PAX3: variants seen among roughly 807,000 people sequenced by gnomAD.
PAX3 encodes the protein paired box protein Pax-3.
A neutral mutation model predicts 51.6 loss-of-function variants in PAX3; 14 were observed. The observed-to-expected ratio is 0.27, with a 90% CI of 0.18 to 0.42. The LOEUF (loss-of-function observed/expected upper bound fraction) is 0.42, where lower values mean the gene tolerates loss of function less well. Ranked by LOEUF, PAX3 falls within the 10% of genes least tolerant of loss-of-function variation. The probability of loss-of-function intolerance (pLI) is 1.00; values close to 1 mark genes in which losing one functional copy is unlikely to be tolerated. For synonymous variants in PAX3, 280 were observed against 253.4 expected, an observed-to-expected ratio of 1.11 and a Z score of -1.00; for missense variants, 540 against 642.8, an observed-to-expected ratio of 0.84 and a Z score of 1.73.
intron 5 of PAX3, among the ~76,000 whole-genome samples, chr2:222,225,054 G>A (rs939923690): frequency 6.6e-6 from 1 of 152,114 alleles, no homozygotes; most frequent in Non-Finnish European, 1.5e-5. Context: ...AGATTACCTG[G>A]CCTTCCGCAT....
At chr2:222,283,372 G>C (rs763328722) in intron 4 of PAX3, among the ~76,000 whole-genome samples, 1 of 152,186 alleles carries the variant, frequency 6.6e-6, no homozygotes, top group African/African-American at 2.4e-5. Context: ...GGTTGGCATA[G>C]AGTGTCTGGA....
chr2:222,239,111 C>G (rs1692908108), intron 4 of PAX3, among the ~76,000 whole-genome samples: 1 of 152,178 alleles, frequency 6.6e-6, no homozygotes, highest in African/African-American at 2.4e-5. Flanking sequence ...GACATTTTCC[C>G]TTTGTGATCT....
chr2:222,295,473 C>T (rs1559318217), intron 3 of PAX3, 55 bp downstream of exon 3: 4 of 1,602,736 alleles, frequency 2.5e-6, no homozygotes, highest in African/African-American at 1.3e-5. Flanking sequence ...GTCGACGTGC[C>T]GGGGTAATAG....
intron 5 of PAX3, among the ~76,000 whole-genome samples, chr2:222,227,258 A>G (rs1406100072): frequency 6.6e-6 from 1 of 152,096 alleles, no homozygotes; most frequent in African/African-American, 2.4e-5. Flanking sequence ...TGCCTACTTC[A>G]TGGGATTCTT....
chr2:222,266,313 A>C lies in PAX3; in HGVS notation c.586+27854T>G, dbSNP rs571603323. On this transcript the variant is annotated intron_variant, in intron 4 of 8. Coordinates refer to ENST00000392070, the MANE Select transcript of PAX3 (RefSeq NM_181458.4). ...AGCCCCCTCTGGGCCAGGCCCTACAAATAAGATTAACAAGAACAATACCTG... is the reference window on the plus strand; with the variant it reads ...AGCCCCCTCTGGGCCAGGCCCTACACATAAGATTAACAAGAACAATACCTG... 1.1e-4 allele frequency among the ~76,000 whole-genome samples: 16 copies of C among 152,316 alleles called. No individual in the cohort carries two copies. The East Asian group carries it at 3.1e-3, about 29-fold the overall frequency.
chr2:222,205,244 T>G (rs944556900), intron 7 of PAX3, among the ~76,000 whole-genome samples: 2 of 152,162 alleles, frequency 1.3e-5, no homozygotes, highest in Middle Eastern at 3.2e-3. Context: ...AATAGAAAGA[T>G]AGTTCCTCAA....
At chr2:222,206,219 T>A (rs1691503094) in intron 7 of PAX3, among the ~76,000 whole-genome samples, 1 of 151,994 alleles carries the variant, frequency 6.6e-6, no homozygotes, top group Non-Finnish European at 1.5e-5. Flanking sequence ...AGAAACAAAT[T>A]CAAGGCTACC....
At position 222,220,333 on chromosome 2, in the gene PAX3, G is replaced by T; in HGVS notation, c.980C>A (p.Thr327Asn). The T allele has an allele frequency of 1.2e-6, 2 of 1,614,006 alleles. No individual in the cohort carries two copies. The highest frequency in any genetic ancestry group is 1.7e-6 in the Non-Finnish European group (2 of 1,179,924). The change falls in exon 7 of 9, where the codon ACC (threonine) becomes AAC (asparagine). Residue 327 changes from threonine (T) to asparagine (N), a missense_variant. Around this residue, in one of 3 missense-constraint regions of PAX3, gnomAD observed 427 missense variants for 483.6 expected, o/e 0.88. Transcript: ENST00000392070. Reference sequence around the variant, plus strand: ...AGGAAGCGGTTGAGGTCTGTGAACGGTGCTGCTGGGATCTGACACAGCTGA... The same window carrying T: ...AGGAAGCGGTTGAGGTCTGTGAACGTTGCTGCTGGGATCTGACACAGCTGA... ...IPQAVSDPSS[T>N]VHRPQPLPPS...
intron 5 of PAX3, among the ~76,000 whole-genome samples, chr2:222,225,910 G>T (rs780552788): frequency 4.8e-4 from 73 of 152,168 alleles, no homozygotes; most frequent in Middle Eastern, 6.3e-3. Context: ...GAGTAAACAG[G>T]AAAGTGCCCA....
At chr2:222,282,106 T>C (rs887308804) in intron 4 of PAX3, among the ~76,000 whole-genome samples, 36 of 152,196 alleles carry the variant, frequency 2.4e-4, no homozygotes, top group Admixed American at 3.3e-4. Context: ...CCTTCGCCCC[T>C]AACTTGTTCT....
chr2:222,297,673 A>G (rs1176868842), intron 1 of PAX3, among the ~76,000 whole-genome samples: 9 of 152,174 alleles, frequency 5.9e-5, no homozygotes, highest in Admixed American at 5.2e-4. Flanking sequence ...TGGGGTTTCT[A>G]GCCAAAAGTG....
At chr2:222,274,358 TC>T (rs1694348135) in intron 4 of PAX3, among the ~76,000 whole-genome samples, 1 of 151,914 alleles carries the variant, frequency 6.6e-6, no homozygotes, top group South Asian at 2.1e-4. Flanking sequence ...AATATTAAAA[TC>T]CCTCTGACCA....
At chr2:222,207,364 C>T (rs551181282) in intron 7 of PAX3, among the ~76,000 whole-genome samples, 3 of 152,130 alleles carry the variant, frequency 2.0e-5, no homozygotes, top group Non-Finnish European at 4.4e-5. Flanking sequence ...AGGGAAGTTG[C>T]CTGAAGGCAG....
intron 4 of PAX3, among the ~76,000 whole-genome samples, chr2:222,282,598 TTC>T (rs1694685358): frequency 6.6e-6 from 1 of 152,208 alleles, no homozygotes; most frequent in East Asian, 1.9e-4. Context: ...GAGACAATTT[TTC>T]TTTTGTAAGT....
intron 4 of PAX3, among the ~76,000 whole-genome samples, chr2:222,267,662 T>C (rs1207242644): frequency 6.6e-6 from 1 of 152,196 alleles, no homozygotes; most frequent in Non-Finnish European, 1.5e-5. Flanking sequence ...AAATTTGCAA[T>C]GCCACCAACG....
intron 4 of PAX3, among the ~76,000 whole-genome samples, chr2:222,234,692 C>T (rs1057045749): frequency 6.6e-6 from 1 of 152,208 alleles, no homozygotes; most frequent in Non-Finnish European, 1.5e-5. Context: ...CCCCAGATAA[C>T]ACTGCCCACC....
intron 7 of PAX3, among the ~76,000 whole-genome samples, chr2:222,208,291 T>A (rs945248988): frequency 1.4e-5 from 2 of 139,360 alleles, no homozygotes; most frequent in Admixed American, 6.9e-5. Context: ...ATTGGGGGAC[T>A]ATAGCAAATA....
intron 4 of PAX3, chr2:222,233,204 G>A (rs1001430065): frequency 5.3e-5 from 8 of 151,628 alleles, no homozygotes; most frequent in African/African-American, 1.7e-4. Flanking sequence ...GTGGCCCTGA[G>A]CAACTGCATA....
intron 1 of PAX3, chr2:222,298,274 A>G: frequency 1.9e-6 from 1 of 518,754 alleles, no homozygotes; most frequent in Admixed American, 3.4e-5. Context: ...CATTTCCAAA[A>G]CAACAGGGAC....
Sources: allele counts gnomAD v4.1 joint callset (sites outside exome capture counted in the v4.1 genomes callset), GRCh38; gene constraint gnomAD v4.1.1; regional missense constraint gnomAD v4.1.1; transcripts MANE v1.5; gene names NCBI Gene and HGNC (gene_info 2026-07-23, HGNC 2026-07-21).